MAGI2: variants seen among roughly 807,000 people sequenced by gnomAD.
MAGI2 encodes the protein membrane associated guanylate kinase, WW and PDZ domain containing 2.
Under a neutral mutation model 133.3 loss-of-function variants are expected in MAGI2, and 35 were observed. The ratio of observed to expected loss-of-function variants is 0.26; its 90% CI spans 0.20 to 0.35. The LOEUF (loss-of-function observed/expected upper bound fraction) is 0.35. Ranked by LOEUF, MAGI2 falls within the 10% of genes least tolerant of loss-of-function variation. The pLI, the probability that MAGI2 is intolerant of heterozygous loss-of-function variation, is 1.00. For synonymous variants in MAGI2, 729 were observed against 710.6 expected (o/e 1.03, Z -0.41); for missense variants, 1,636 against 1,863.4 (o/e 0.88, Z 2.25).
chr7:78,617,898 A>T (rs1807280021), intron 3 of MAGI2: 1 of 152,084 alleles, frequency 6.6e-6, no homozygotes, highest in Non-Finnish European at 1.5e-5. Context: ...TGAGAGAAAT[A>T]ACAGACCTGA....
chr7:78,145,889 AT>A (rs1480720324), intron 16 of MAGI2, among the ~76,000 whole-genome samples: 1 of 152,084 alleles, frequency 6.6e-6, no homozygotes, highest in Non-Finnish European at 1.5e-5. Context: ...TCATGACCTT[AT>A]CTAAACCTAA....
intron 2 of MAGI2, among the ~76,000 whole-genome samples, chr7:78,828,312 G>A (rs959644988): frequency 1.3e-5 from 2 of 152,204 alleles, no homozygotes; most frequent in Non-Finnish European, 2.9e-5. Context: ...GTGTGATCAA[G>A]TCAGCATCAA....
chr7:78,447,669 A>C (rs4727702), intron 6 of MAGI2, among the ~76,000 whole-genome samples: 1 of 152,024 alleles, frequency 6.6e-6, no homozygotes, highest in Admixed American at 6.6e-5. Flanking sequence ...AGGCCTAAGA[A>C]ATCATCTGCA....
intron 3 of MAGI2, among the ~76,000 whole-genome samples, chr7:78,571,658 A>C (rs534553729): frequency 6.6e-6 from 1 of 152,316 alleles, no homozygotes; most frequent in South Asian, 2.1e-4. Context: ...AATTATCTTG[A>C]AATGTTAGGT....
rs968598640 is a variant in MAGI2, at chr7:79,196,503, A to C, written c.302-189297T>G. Among the ~76,000 whole-genome samples the C allele has an allele frequency of 1.6e-4, 25 of 151,952 alleles. 1 individual carries two copies. Among genetic ancestry groups the C allele is most frequent in the African/African-American group, 6.1e-4 (25 of 41,286 alleles). ...ACTATCTAATGACTTTCTCTTATGC[A>C]AATTTAACTACTTAATATTATCTTA... is the stretch of plus-strand genomic sequence containing the variant. On this transcript the variant is annotated intron_variant, in intron 1 of 21. Coordinates refer to ENST00000354212, the MANE Select transcript of MAGI2 (RefSeq NM_012301.4).
chr7:78,659,721 C>A (rs1462098279), intron 2 of MAGI2, among the ~76,000 whole-genome samples: 1 of 152,088 alleles, frequency 6.6e-6, no homozygotes, highest in Non-Finnish European at 1.5e-5. Context: ...TATCTTGACT[C>A]TGCCAAGGTC....
At chr7:78,149,282 G>T (rs1185344690) in intron 16 of MAGI2, among the ~76,000 whole-genome samples, 1 of 152,186 alleles carries the variant, frequency 6.6e-6, no homozygotes, top group East Asian at 1.9e-4. Context: ...ATTAGCAGTG[G>T]TGGTAGGGAA....
chr7:78,782,906 A>G (rs139150952), intron 2 of MAGI2, among the ~76,000 whole-genome samples: 32 of 152,228 alleles, frequency 2.1e-4, no homozygotes, highest in East Asian at 1.4e-3. Flanking sequence ...GAACTTTAAG[A>G]ATACATATTA....
chr7:78,686,646 T>G (rs1009581662), intron 2 of MAGI2, among the ~76,000 whole-genome samples: 3 of 151,622 alleles, frequency 2.0e-5, no homozygotes. Context: ...TCTTTAGCCA[T>G]CATAATGTGA....
At chr7:78,582,475 A>G (rs914279469) in intron 3 of MAGI2, among the ~76,000 whole-genome samples, 3 of 152,220 alleles carry the variant, frequency 2.0e-5, no homozygotes, top group Non-Finnish European at 2.9e-5. Flanking sequence ...TGGAAGTGAT[A>G]TATGTGATTT....
At chr7:79,449,877 C>CATATACATATATATATAT (rs1472820472) in intron 1 of MAGI2, among the ~76,000 whole-genome samples, 4 of 120,622 alleles carry the variant, frequency 3.3e-5, no homozygotes, top group African/African-American at 1.2e-4. Flanking sequence ...GAGATATATA[C>CATATACATATATATATAT]ATATATATAT....
chr7:78,741,382 C>T (rs1341487842), intron 2 of MAGI2, among the ~76,000 whole-genome samples: 2 of 6,512 alleles, frequency 3.1e-4, no homozygotes, highest in Admixed American at 1.0e-3. Context: ...TTGAAACACA[C>T]ACACACACAC....
intron 1 of MAGI2, among the ~76,000 whole-genome samples, chr7:79,275,568 T>A (rs1251705473): frequency 1.3e-5 from 2 of 152,182 alleles, no homozygotes; most frequent in African/African-American, 4.8e-5. Context: ...GCAGCTACGA[T>A]CATTCATGAA....
chr7:78,619,926 A>G (rs1242425935), intron 3 of MAGI2, among the ~76,000 whole-genome samples: 2 of 151,986 alleles, frequency 1.3e-5, no homozygotes, highest in Non-Finnish European at 2.9e-5. Flanking sequence ...AGAATCTTCC[A>G]CAATAGAAAT....
At chr7:78,161,072 G>A (rs56023696) in intron 15 of MAGI2, among the ~76,000 whole-genome samples, 18,188 of 152,040 alleles carry the variant, frequency 0.12, 1,441 homozygotes, top group Non-Finnish European at 0.18. Context: ...CTAATTTCAG[G>A]CTCTGAAATT....
rs148708126 is a variant in MAGI2, at chr7:78,057,287, G to A, written c.3706+21660C>T. On this transcript the variant is annotated intron_variant, in intron 21 of 21. Coordinates refer to ENST00000354212, the MANE Select transcript of MAGI2 (RefSeq NM_012301.4). ...GATGGAGTTTTGCTCTTGTTGCCCAGGTTGGAGTGCAATAGTGCGATCTCC... is the reference window on the plus strand; with the variant it reads ...GATGGAGTTTTGCTCTTGTTGCCCAAGTTGGAGTGCAATAGTGCGATCTCC... Among the ~76,000 whole-genome samples the A allele has an allele frequency of 6.5e-3, 986 of 152,074 alleles. 12 individuals carry two copies. The highest frequency in any genetic ancestry group is 0.023 in the African/African-American group (945 of 41,476).
At chr7:78,040,443 C>T (rs976955378) in intron 21 of MAGI2, among the ~76,000 whole-genome samples, 4 of 152,214 alleles carry the variant, frequency 2.6e-5, no homozygotes, top group Non-Finnish European at 5.9e-5. Context: ...GTTCTCTACC[C>T]TGCCCGGCTC....
rs749933925 is a variant in MAGI2 at position 78,501,662 on chromosome 7, T to C, written c.880A>G (p.Lys294Glu). 1 of 1,614,158 alleles carries C rather than the reference T, an allele frequency of 6.2e-7. No homozygotes were observed. The highest frequency in any genetic ancestry group is 8.5e-7 in the Non-Finnish European group (1 of 1,180,024). ...KEQMDDTKPT[K>E]PEDNEEPDPL... ...TCTGGTTCCTCATTGTCTTCAGGTT[T>C]AGTTGGCTTTGTGTCATCCATCTGC... Residue 294 changes from lysine (K) to glutamate (E), a missense_variant, in exon 5 of 22, where the codon AAA (lysine) becomes GAA (glutamate). Around this residue, in one of 5 missense-constraint regions of MAGI2, gnomAD observed 165 missense variants for 128.4 expected, o/e 1.28. Coordinates refer to ENST00000354212, the MANE Select transcript of MAGI2 (RefSeq NM_012301.4).
intron 6 of MAGI2, among the ~76,000 whole-genome samples, chr7:78,421,819 A>G (rs1006540896): frequency 3.3e-5 from 5 of 152,190 alleles, no homozygotes; most frequent in African/African-American, 1.2e-4. Flanking sequence ...CAACAAAAAC[A>G]TAAACAAAAA....
Sources: allele counts gnomAD v4.1 joint callset (sites outside exome capture counted in the v4.1 genomes callset), GRCh38; gene constraint gnomAD v4.1.1; regional missense constraint gnomAD v4.1.1; transcripts MANE v1.5; gene names NCBI Gene and HGNC (gene_info 2026-07-23, HGNC 2026-07-21).